The following RRN3 variants were observed in gnomAD, a reference collection of about 807,000 sequenced individuals.
RRN3 encodes RNA polymerase I-specific transcription initiation factor RRN3.
Under a neutral mutation model 82.3 loss-of-function variants are expected in RRN3, and 38 were observed. That is an observed-to-expected ratio of 0.46 (90% CI 0.36 to 0.61). The LOEUF is 0.61. Among genes scored for constraint, RRN3 ranks in the 20% least tolerant of loss-of-function variants. The probability of loss-of-function intolerance (pLI) is 0.00; values close to 1 mark genes in which losing one functional copy is unlikely to be tolerated. For missense variants in RRN3, 726 were observed against 793.1 expected, an observed-to-expected ratio of 0.92 and a Z score of 1.02; for synonymous variants, 284 against 284.3, an observed-to-expected ratio of 1.00 and a Z score of 0.01.
rs1311971037 is a variant in RRN3, at chr16:15,063,221, T to G, written c.1769A>C (p.Gln590Pro). Residue 590 changes from glutamine to proline, a missense_variant, in exon 17 of 18, where the codon CAG becomes CCG. By Grantham distance (76) the Gln-to-Pro change is moderately conservative. Transcript: ENST00000198767. ...CTTTTTCATGGGTTTCTTGAACTCCTGTAGCTCTTCAGCACTCATGTCTTC... is the reference window on the plus strand; with the variant it reads ...CTTTTTCATGGGTTTCTTGAACTCCGGTAGCTCTTCAGCACTCATGTCTTC... Reference protein sequence around the residue: ...VWEDMSAEELQEFKKPMKKDI... With the variant: ...VWEDMSAEELPEFKKPMKKDI... 6.2e-7 allele frequency: 1 copy of G among 1,612,724 alleles called. No individual in the cohort carries two copies. The highest frequency in any genetic ancestry group is 8.5e-7 in the Non-Finnish European group (1 of 1,178,818).
chr16:15,082,145 A>G (rs1171036172), intron 8 of RRN3, among the ~76,000 whole-genome samples: 2 of 152,136 alleles, frequency 1.3e-5, no homozygotes, highest in Admixed American at 1.3e-4. Flanking sequence ...AAGAGCGGAC[A>G]TCCTTGTTTT....
intron 10 of RRN3, 138 bp downstream of exon 10, chr16:15,076,420 T>G (rs575104238): frequency 4.6e-5 from 32 of 689,674 alleles, no homozygotes; most frequent in African/African-American, 3.9e-4. Context: ...AGCAAATTAC[T>G]CATATAAGGA....
rs751820804 is a variant in RRN3 at position 15,094,131 on chromosome 16, G to A, written c.89+14C>T. On this transcript the variant is annotated intron_variant, in intron 1 of 17. Transcript: ENST00000198767. ...TCGTCCCAGATACGCAGAAGGAAGC[G>A]GCCTGAATCTTACCCAGTCCTCGAC... The A allele has an allele frequency of 1.3e-6, 2 of 1,585,870 alleles. No homozygotes were observed. Among genetic ancestry groups the A allele is most frequent in the Admixed American group, 1.8e-5 (1 of 56,074 alleles).
intron 3 of RRN3, among the ~76,000 whole-genome samples, chr16:15,089,478 T>A (rs1324722141): frequency 2.6e-5 from 4 of 151,684 alleles, no homozygotes; most frequent in Non-Finnish European, 5.9e-5. Flanking sequence ...AAATTTAAGA[T>A]CAAGAAACTA....
At chr16:15,069,551 G>C (rs1567193322) in intron 14 of RRN3, among the ~76,000 whole-genome samples, 1 of 152,202 alleles carries the variant, frequency 6.6e-6, no homozygotes, top group Non-Finnish European at 1.5e-5. Flanking sequence ...TAAGTCTCAA[G>C]GCTTCAGGCA....
At chr16:15,091,850 T>C (rs1390282519) in intron 2 of RRN3, among the ~76,000 whole-genome samples, 1 of 152,138 alleles carries the variant, frequency 6.6e-6, no homozygotes. Context: ...TGGTTTACTG[T>C]CCCAAAGTAA....
chr16:15,076,969 C>G (rs1268045275), intron 9 of RRN3, among the ~76,000 whole-genome samples: 1 of 142,468 alleles, frequency 7.0e-6, no homozygotes, highest in Non-Finnish European at 1.5e-5. Context: ...TCTGTGTCCC[C>G]ACCCAAATCA....
At chr16:15,092,392 A>G (rs894118219) in intron 2 of RRN3, 117 bp downstream of exon 2, 13 of 696,442 alleles carry the variant, frequency 1.9e-5, no homozygotes, top group Non-Finnish European at 3.1e-5. Context: ...ATTATTAAAT[A>G]TTTGATTTCA....
At chr16:15,092,387 T>G (rs2046169981) in intron 2 of RRN3, 122 bp downstream of exon 2, 1 of 689,828 alleles carries the variant, frequency 1.4e-6, no homozygotes. Flanking sequence ...ATGCTATTAT[T>G]AAATATTTGA....
At chr16:15,065,872 G>A (rs1375501465) in intron 15 of RRN3, among the ~76,000 whole-genome samples, 2 of 152,180 alleles carry the variant, frequency 1.3e-5, no homozygotes, top group Admixed American at 6.5e-5. Flanking sequence ...GGAGGGACAC[G>A]GGGTTGACTA....
chr16:15,068,781 A>C (rs564995321), intron 14 of RRN3, among the ~76,000 whole-genome samples: 2 of 152,340 alleles, frequency 1.3e-5, no homozygotes, highest in Non-Finnish European at 2.9e-5. Flanking sequence ...ACGGACGGCA[A>C]ATTTAGACAG....
intron 3 of RRN3, among the ~76,000 whole-genome samples, chr16:15,089,786 C>CAAAAAAAAAAAAAAAAAAAAA (rs142235345): frequency 1.5e-5 from 1 of 66,574 alleles, no homozygotes. Flanking sequence ...GGCGACAGAG[C>CAAAAAAAAAAAAAAAAAAAAA]AAAAAAAAAA....
chr16:15,077,989 A>G (rs1480332153), intron 9 of RRN3, among the ~76,000 whole-genome samples: 1 of 152,252 alleles, frequency 6.6e-6, no homozygotes, highest in Non-Finnish European at 1.5e-5. Flanking sequence ...GAGCAGAAAA[A>G]TGATGAACTG....
chr16:15,091,345 C>T lies in RRN3; in HGVS notation c.222G>A (p.Leu74=). ...KKGETNDFEL[L]KNQLLDPDIK... ...TGTCTGGATCTAACAGCTGGTTCTT[C>T]AACAACTCAAAGTCATTTGTTTCAC... Residue 74 remains leucine, a synonymous_variant, in exon 3 of 18, where the codon TTG becomes TTA. Coordinates refer to ENST00000198767, the MANE Select transcript of RRN3 (RefSeq NM_018427.5). The T allele has an allele frequency of 6.3e-7, 1 of 1,589,362 alleles. No individual in the cohort carries two copies. The highest frequency in any genetic ancestry group is 8.6e-7 in the Non-Finnish European group (1 of 1,163,880).
chr16:15,070,782 AAC>A (rs2045190397), intron 13 of RRN3, among the ~76,000 whole-genome samples: 1 of 152,060 alleles, frequency 6.6e-6, no homozygotes. Context: ...CTTCAGCTTT[AAC>A]AGATACAATA....
In RRN3 at chr16:15,061,782, A is replaced by ACTT; in HGVS notation, c.1917_1918insAAG (p.Gly639_Ser640insLys). On this transcript the variant is annotated inframe_insertion, in exon 18 of 18. Coordinates refer to ENST00000198767, the MANE Select transcript of RRN3 (RefSeq NM_018427.5). ...GGTTGCATGTACAACACGGGTGGGGAGCCCACACTACTTGAAGGACTTCGG... is the reference window on the plus strand; with the variant it reads ...GGTTGCATGTACAACACGGGTGGGGACTTGCCCACACTACTTGAAGGACTTCGG... 1 of 1,614,024 alleles carries ACTT rather than the reference A, an allele frequency of 6.2e-7. No individual in the cohort carries two copies. The highest frequency in any genetic ancestry group is 8.5e-7 in the Non-Finnish European group (1 of 1,179,866).
chr16:15,068,348 G>A (rs1291620670), intron 14 of RRN3, 71 bp from the exon 15 acceptor site: 4 of 1,495,988 alleles, frequency 2.7e-6, no homozygotes, highest in Non-Finnish European at 3.6e-6. Context: ...ACTTTTAAAA[G>A]CACAAATTAT....
rs1003144762 is a variant in RRN3 at position 15,061,777 on chromosome 16, T to C, written c.1923A>G (p.Pro641=). The change falls in exon 18 of 18, where the codon CCA becomes CCG. Residue 641 remains proline (P), a synonymous_variant. Coordinates refer to ENST00000198767, the MANE Select transcript of RRN3 (RefSeq NM_018427.5). ...FRSPSSSVGS[P]PVLYMQPSPL is the part of the protein sequence containing the mutation. ...GACTGGGTTGCATGTACAACACGGG[T>C]GGGGAGCCCACACTACTTGAAGGAC... The C allele has an allele frequency of 5.0e-6, 8 of 1,613,904 alleles. No homozygotes were observed. The highest frequency in any genetic ancestry group is 6.8e-6 in the Non-Finnish European group (8 of 1,179,802).
At position 15,060,836 on chromosome 16, in the gene RRN3, C is replaced by G. The variant is rs2044683424; in HGVS notation, c.*908G>C. 6.6e-6 allele frequency: 1 copy of G among 152,256 alleles called. No homozygotes were observed. 9.4% of individuals were successfully genotyped at this position (152,256 alleles called of 1,614,324 possible). A position where few individuals can be genotyped will look rare whatever the true frequency, so the allele number is the denominator to read the frequency against. On this transcript the variant is annotated 3_prime_UTR_variant, in exon 18 of 18. Coordinates refer to ENST00000198767, the MANE Select transcript of RRN3 (RefSeq NM_018427.5). ...TCTAAAAAAATTTTCCTGTTTCCAA[C>G]AAAGAAATTCCCAATAACTAAGTGA...
Sources: gnomAD v4.1 joint callset for allele counts (sites outside exome capture counted in the v4.1 genomes callset) on GRCh38, gnomAD v4.1.1 for gene constraint, MANE v1.5 for transcripts, NCBI Gene and HGNC (gene_info 2026-07-23, HGNC 2026-07-21) for gene names.